ATP2C2: variants seen among roughly 807,000 people sequenced by gnomAD.
ATP2C2 encodes calcium-transporting ATPase type 2C member 2.
Under a neutral mutation model 110.8 loss-of-function variants are expected in ATP2C2, and 171 were observed. That is an observed-to-expected ratio of 1.54 (90% confidence interval 1.36 to 1.75). ATP2C2 has a LOEUF of 1.75. Ranked by LOEUF, ATP2C2 falls within the 40% of genes most tolerant of loss-of-function variation. The probability of loss-of-function intolerance (pLI) is 0.00; values close to 1 mark genes in which losing one functional copy is unlikely to be tolerated. For missense variants in ATP2C2, 1,963 were observed against 1,235.0 expected (o/e 1.59, Z -8.84); for synonymous variants, 804 against 508.4 (o/e 1.58, Z -7.82).
intron 7 of ATP2C2, among the ~76,000 whole-genome samples, chr16:84,417,212 G>A (rs1285003513): frequency 2.0e-5 from 3 of 152,178 alleles, no homozygotes; most frequent in Admixed American, 1.3e-4. Flanking sequence ...AAAGTGCTCA[G>A]AACGGTGCCT....
At chr16:84,438,529 G>C (rs900026685) in intron 11 of ATP2C2, among the ~76,000 whole-genome samples, 1 of 152,154 alleles carries the variant, frequency 6.6e-6, no homozygotes, top group Non-Finnish European at 1.5e-5. Flanking sequence ...GCTCAGCTTG[G>C]GTCACACGCT....
At position 84,460,646 on chromosome 16, in the gene ATP2C2, C is replaced by T. The variant is rs72806651; in HGVS notation, c.2334-8C>T. On this transcript the variant is annotated splice_polypyrimidine_tract_variant and splice_region_variant and intron_variant, in intron 23 of 26. Transcript: ENST00000262429. ...CATTTCAAAGTGTCTGTGTCTTGTT[C>T]GGAGCAGCTTGGGGGTAGAGCCCGT... is the stretch of plus-strand genomic sequence containing the variant. 207,540 of 1,613,884 alleles carry T rather than the reference C, an allele frequency of 0.13. 15,411 individuals are homozygous for T. Among genetic ancestry groups the T allele is most frequent in the Non-Finnish European group, 0.15 (178,526 of 1,179,834 alleles).
chr16:84,396,355 G>A (rs892005481), intron 1 of ATP2C2, among the ~76,000 whole-genome samples: 1 of 151,908 alleles, frequency 6.6e-6, no homozygotes, highest in African/African-American at 2.4e-5. Context: ...AGACCAGCCT[G>A]GCCAACCTGG....
At position 84,463,647 on chromosome 16, in the gene ATP2C2, T is replaced by C. The variant is rs369403713; in HGVS notation, c.2756T>C (p.Val919Ala). The change falls in exon 27 of 27, where the codon GTC (valine) becomes GCC (alanine). Residue 919 changes from valine to alanine, a missense_variant. Val to Ala is a moderately conservative substitution (Grantham distance 64). Transcript: ENST00000262429. ...LLFLTGLASS[V>A]FILSELLKLC... ...TTTTTAACTGGATTGGCCTCATCCG[T>C]CTTCATTTTGTCAGAGCTCCTCAAA... 206 of 1,614,092 alleles carry C rather than the reference T, an allele frequency of 1.3e-4. No individual in the cohort carries two copies. Among genetic ancestry groups the C allele is most frequent in the Non-Finnish European group, 1.6e-4 (188 of 1,180,038 alleles).
rs774059951 is a variant in ATP2C2, at chr16:84,452,101, A to T, written c.1831+10A>T. 9 of 1,613,952 alleles carry T rather than the reference A, an allele frequency of 5.6e-6. 1 individual carries two copies. The South Asian group carries it at 9.9e-5, about 18-fold the overall frequency. On this transcript the variant is annotated intron_variant, in intron 18 of 26. Coordinates refer to ENST00000262429, the MANE Select transcript of ATP2C2 (RefSeq NM_014861.4). ...ACGGCCTTGGCCATAGGTAACTGGGACAGGGTCGGGGGTGAGGACGAAAGG... is the reference window on the plus strand; with the variant it reads ...ACGGCCTTGGCCATAGGTAACTGGGTCAGGGTCGGGGGTGAGGACGAAAGG...
In ATP2C2 at chr16:84,451,975, T is replaced by C. The variant is rs1185271545; in HGVS notation, c.1715T>C (p.Val572Ala). ...GGGCGGCTGACGTTTCTCGGTCTTG[T>C]GGGCATCATTGACCCCCCGAGAGTT... Reference protein sequence around the residue: ...ELGRLTFLGLVGIIDPPRVGV... With the variant: ...ELGRLTFLGLAGIIDPPRVGV... Residue 572 changes from valine (V) to alanine (A), a missense_variant, in exon 18 of 27, where the codon GTG becomes GCG. Coordinates refer to ENST00000262429, the MANE Select transcript of ATP2C2 (RefSeq NM_014861.4). 1 of 1,613,982 alleles carries C rather than the reference T, an allele frequency of 6.2e-7. No individual in the cohort carries two copies. Among genetic ancestry groups the C allele is most frequent in the South Asian group, 1.1e-5 (1 of 91,046 alleles).
intron 3 of ATP2C2, 52 bp downstream of exon 3, chr16:84,405,296 T>A: frequency 6.8e-7 from 1 of 1,470,962 alleles, no homozygotes. Flanking sequence ...CCAGCGAGGG[T>A]GGGGCAGCCA....
At chr16:84,376,731 G>C (rs1319346081) in intron 1 of ATP2C2, among the ~76,000 whole-genome samples, 2 of 152,142 alleles carry the variant, frequency 1.3e-5, no homozygotes, top group African/African-American at 4.8e-5. Context: ...CAAGCCCCGG[G>C]CACACATCAT....
chr16:84,389,595 C>A (rs573095338), intron 1 of ATP2C2, among the ~76,000 whole-genome samples: 4 of 152,290 alleles, frequency 2.6e-5, no homozygotes, highest in African/African-American at 9.6e-5. Context: ...CCTCTTCGGG[C>A]CCCTTGGTGT....
chr16:84,416,337 A>G (rs547451973), intron 7 of ATP2C2, among the ~76,000 whole-genome samples: 4 of 152,314 alleles, frequency 2.6e-5, no homozygotes, highest in African/African-American at 4.8e-5. Context: ...GGAGTAATCT[A>G]TTTCAAGAAT....
At chr16:84,412,488 G>A (rs112331610) in intron 6 of ATP2C2, among the ~76,000 whole-genome samples, 1 of 104,756 alleles carries the variant, frequency 9.5e-6, no homozygotes, top group Admixed American at 9.2e-5. Flanking sequence ...ATGTGTATGT[G>A]TGCATGTGTG....
intron 1 of ATP2C2, among the ~76,000 whole-genome samples, chr16:84,374,372 A>G (rs547237134): frequency 6.0e-4 from 91 of 152,252 alleles, no homozygotes; most frequent in African/African-American, 1.9e-3. Flanking sequence ...ATGGATGCAA[A>G]TATGCACACT....
rs150344988 is a variant in ATP2C2 at position 84,409,844 on chromosome 16, T to C, written c.418-724T>C. On this transcript the variant is annotated intron_variant, in intron 4 of 26. Transcript: ENST00000262429. ...GCTGTCATTCCCCACTTCTTTCCGT[T>C]TGTTCCAGCCGGTATTTTAAAATAC... Among the ~76,000 whole-genome samples, 517 of 152,224 alleles carry C rather than the reference T, an allele frequency of 3.4e-3. 4 individuals carry two copies. The highest frequency in any genetic ancestry group is 0.012 in the African/African-American group (493 of 41,542).
intron 10 of ATP2C2, among the ~76,000 whole-genome samples, chr16:84,424,845 G>A (rs1016274651): frequency 6.6e-6 from 1 of 152,192 alleles, no homozygotes; most frequent in Non-Finnish European, 1.5e-5. Flanking sequence ...GTGAGCTCCT[G>A]TGAGGAGTCT....
intron 26 of ATP2C2, 55 bp from the exon 27 acceptor site, chr16:84,463,559 C>G (rs553199482): frequency 1.3e-6 from 2 of 1,485,576 alleles, no homozygotes; most frequent in African/African-American, 1.4e-5. Context: ...CGCTTCCTGC[C>G]GGCGCAACAG....
At chr16:84,460,531 C>T (rs776967902) in intron 23 of ATP2C2, 123 bp from the exon 24 acceptor site, 13 of 1,398,634 alleles carry the variant, frequency 9.3e-6, no homozygotes, top group South Asian at 1.2e-5. Flanking sequence ...TGGGGGCGTT[C>T]AGCAAATGCC....
chr16:84,373,303 C>T lies in ATP2C2; in HGVS notation c.99+4589C>T, dbSNP rs184986146. Among the ~76,000 whole-genome samples the T allele has an allele frequency of 2.0e-3, 302 of 152,272 alleles. 3 individuals are homozygous for T. Among genetic ancestry groups the T allele is most frequent in the African/African-American group, 6.9e-3 (286 of 41,556 alleles). On this transcript the variant is annotated intron_variant, in intron 1 of 26. Coordinates refer to ENST00000262429, the MANE Select transcript of ATP2C2 (RefSeq NM_014861.4). ...TCACCTGAGGTTACGAGTTCGAGAC[C>T]AGCCTGGCCAACATGGCAAAACCCC...
Position 84,425,748 on chromosome 16 carries a change from C to T in ATP2C2, c.933C>T (p.Leu311=). Residue 311 remains leucine, a synonymous_variant, in exon 11 of 27, where the codon CTC becomes CTT. Transcript: ENST00000262429. ...TCTCTTCCCCAGGTCTCATCATGCT[C>T]ATTGGCTGGTCGCAAGGGAAACAAC... The part of the protein sequence containing the change: ...FSFGIIGLIM[L]IGWSQGKQLL... 1 of 1,614,136 alleles carries T rather than the reference C, an allele frequency of 6.2e-7. No homozygotes were observed. Among genetic ancestry groups the T allele is most frequent in the Non-Finnish European group, 8.5e-7 (1 of 1,180,036 alleles).
chr16:84,441,916 C>G (rs945664939), intron 14 of ATP2C2, among the ~76,000 whole-genome samples: 6 of 151,572 alleles, frequency 4.0e-5, no homozygotes, highest in Admixed American at 1.3e-4. Flanking sequence ...GAATGAGACT[C>G]CATCTCGAAT....
Sources: allele counts gnomAD v4.1 joint callset (sites outside exome capture counted in the v4.1 genomes callset), GRCh38; gene constraint gnomAD v4.1.1; transcripts MANE v1.5; gene names NCBI Gene and HGNC (gene_info 2026-07-23, HGNC 2026-07-21).